BAZ1A: variants seen among roughly 807,000 people sequenced by gnomAD.
BAZ1A encodes the protein bromodomain adjacent to zinc finger domain protein 1A.
A neutral mutation model predicts 185.2 loss-of-function variants in BAZ1A; 50 were observed. That is an observed-to-expected ratio of 0.27 (90% CI 0.22 to 0.34). BAZ1A has a LOEUF of 0.34. Among genes scored for constraint, BAZ1A ranks in the 10% least tolerant of loss-of-function variants. BAZ1A has a pLI of 1.00. For synonymous variants in BAZ1A, 571 were observed against 615.6 expected (o/e 0.93, Z 1.07); for missense variants, 1,356 against 1,839.9 (o/e 0.74, Z 4.81).
chr14:34,873,173 C>T (rs2042979995), intron 2 of BAZ1A, among the ~76,000 whole-genome samples: 1 of 152,144 alleles, frequency 6.6e-6, no homozygotes, highest in Non-Finnish European at 1.5e-5. Flanking sequence ...TTTCTAACCT[C>T]ACTATTCATT....
chr14:34,767,845 T>C (rs893585156), intron 21 of BAZ1A, among the ~76,000 whole-genome samples: 3 of 152,122 alleles, frequency 2.0e-5, no homozygotes, highest in African/African-American at 7.2e-5. Flanking sequence ...ACTTTTAGAA[T>C]CTTGGAAATT....
intron 14 of BAZ1A, among the ~76,000 whole-genome samples, chr14:34,785,087 C>G (rs1223693621): frequency 6.6e-6 from 1 of 152,074 alleles, no homozygotes; most frequent in African/African-American, 2.4e-5. Flanking sequence ...AACTCCTGAC[C>G]TCAGGTGATC....
Position 34,794,857 on chromosome 14 carries a change from T to C in BAZ1A, c.1255A>G (p.Arg419Gly). The C allele has an allele frequency of 6.2e-7, 1 of 1,614,110 alleles. No homozygotes were observed. The highest frequency in any genetic ancestry group is 8.5e-7 in the Non-Finnish European group (1 of 1,179,972). The change falls in exon 11 of 27, where the codon AGA becomes GGA. Residue 419 changes from arginine (R) to glycine (G), a missense_variant. Coordinates refer to ENST00000360310, the MANE Select transcript of BAZ1A (RefSeq NM_013448.3). ...ELPEPTPVKT[R>G]LPPEIFGDAL... ...TCACCAAAGATTTCAGGAGGTAGTCTAGTTTTCACTGGTGTTGGTTCTGGA... is the reference window on the plus strand; with the variant it reads ...TCACCAAAGATTTCAGGAGGTAGTCCAGTTTTCACTGGTGTTGGTTCTGGA...
At position 34,783,172 on chromosome 14, in the gene BAZ1A, T is replaced by C; in HGVS notation, c.2058A>G (p.Gln686=). ...KEQEQKMKEK[Q]EKLKEDEQRN... ...TTTGCTCATCTTCTTTCAGTTTTTC[T>C]TGTTTCTCTTTCATTTTTTGTTCTT... The change falls in exon 16 of 27, where the codon CAA becomes CAG. Residue 686 remains glutamine (Q), a synonymous_variant. Transcript: ENST00000360310. 6.2e-7 allele frequency: 1 copy of C among 1,604,156 alleles called. No homozygotes were observed. The highest frequency in any genetic ancestry group is 8.5e-7 in the Non-Finnish European group (1 of 1,174,060).
At chr14:34,765,389 A>C (rs1878772828) in intron 21 of BAZ1A, 121 bp from the exon 22 acceptor site, 1 of 1,245,690 alleles carries the variant, frequency 8.0e-7, no homozygotes, top group Non-Finnish European at 1.1e-6. Context: ...CTGATACTTA[A>C]CAAAAAGACC....
At chr14:34,793,624 T>C (rs1013862482) in intron 11 of BAZ1A, among the ~76,000 whole-genome samples, 3 of 152,158 alleles carry the variant, frequency 2.0e-5, no homozygotes, top group African/African-American at 7.2e-5. Context: ...CTGGCTAACA[T>C]GGTGAAACCT....
At chr14:34,803,771 G>A (rs148166145) in intron 6 of BAZ1A, among the ~76,000 whole-genome samples, 2 of 152,152 alleles carry the variant, frequency 1.3e-5, no homozygotes, top group Non-Finnish European at 2.9e-5. Flanking sequence ...TCCCAGGGTA[G>A]AGTAATAACT....
chr14:34,810,966 C>T lies in BAZ1A; in HGVS notation c.607G>A (p.Glu203Lys). The change falls in exon 5 of 27, where the codon GAG becomes AAG. Residue 203 changes from glutamate (E) to lysine (K), a missense_variant. Physicochemically the swap from Glu to Lys is moderately conservative, Grantham distance 56. Around this residue, in one of 7 missense-constraint regions of BAZ1A, gnomAD observed 332 missense variants for 395.3 expected, o/e 0.84. Transcript: ENST00000360310. ...KVQPTKKELHESAIVKATQIS... is the reference protein window; with the variant it reads ...KVQPTKKELHKSAIVKATQIS... The stretch of plus-strand genomic sequence containing the variant: ...TGTGTTGCTTTAACAATAGCAGACT[C>T]ATGTAATTCTTTTTTAGTGGGTTGC... 6.2e-7 allele frequency: 1 copy of T among 1,609,536 alleles called. No individual in the cohort carries two copies. Among genetic ancestry groups the T allele is most frequent in the Non-Finnish European group, 8.5e-7 (1 of 1,177,288 alleles).
chr14:34,841,685 C>G (rs1202388919), intron 3 of BAZ1A, among the ~76,000 whole-genome samples: 4 of 152,182 alleles, frequency 2.6e-5, no homozygotes, highest in East Asian at 1.9e-4. Flanking sequence ...CCGCGCCCAG[C>G]CTTATTTATG....
At chr14:34,807,266 C>T (rs1488051423) in intron 6 of BAZ1A, among the ~76,000 whole-genome samples, 185 bp downstream of exon 6, 2 of 151,568 alleles carry the variant, frequency 1.3e-5, no homozygotes, top group African/African-American at 2.4e-5. Context: ...AACCACCTAG[C>T]GATTCCAGCA....
chr14:34,790,849 G>C (rs964141626), intron 12 of BAZ1A, among the ~76,000 whole-genome samples: 7 of 152,174 alleles, frequency 4.6e-5, no homozygotes, highest in African/African-American at 1.7e-4. Flanking sequence ...TGGCACCTGG[G>C]TGCGGTGTCT....
At chr14:34,799,974 C>T (rs904957801) in intron 9 of BAZ1A, among the ~76,000 whole-genome samples, 5 of 152,152 alleles carry the variant, frequency 3.3e-5, no homozygotes, top group Non-Finnish European at 7.4e-5. Context: ...TTACATATAT[C>T]ATCTTCCCTA....
chr14:34,859,465 G>GT lies in BAZ1A; in HGVS notation c.392+2578dup, dbSNP rs556104728. On this transcript the variant is annotated intron_variant, in intron 3 of 26. Coordinates refer to ENST00000360310, the MANE Select transcript of BAZ1A (RefSeq NM_013448.3). ...AAAAAATCCACAGAAAAACAACAGC[G>GT]TAACTTAATTTTAAAAGGGAAAGAG... 1.9e-4 allele frequency among the ~76,000 whole-genome samples: 28 copies of GT among 151,286 alleles called. No homozygotes were observed. The East Asian group carries it at 4.8e-3, about 26-fold the overall frequency.
At chr14:34,869,875 ACT>A in intron 2 of BAZ1A, among the ~76,000 whole-genome samples, 1 of 152,172 alleles carries the variant, frequency 6.6e-6, no homozygotes, top group Admixed American at 6.5e-5. Context: ...CCCTCTTGAA[ACT>A]CTAAGACCAC....
chr14:34,764,289 CT>C (rs34861206), intron 23 of BAZ1A, among the ~76,000 whole-genome samples: 22,254 of 111,256 alleles, frequency 0.2, 933 homozygotes, highest in Non-Finnish European at 0.22. Flanking sequence ...TTTTTCTTTT[CT>C]TTTTTTTTTT....
intron 4 of BAZ1A, among the ~76,000 whole-genome samples, chr14:34,812,242 A>C (rs142886695): frequency 1.3e-5 from 2 of 151,820 alleles, no homozygotes; most frequent in African/African-American, 4.8e-5. Flanking sequence ...GGAGGGGAAC[A>C]AAAAAAAGGG....
intron 26 of BAZ1A, among the ~76,000 whole-genome samples, chr14:34,754,276 A>G (rs1594800837): frequency 7.0e-6 from 1 of 143,360 alleles, no homozygotes; most frequent in African/African-American, 2.6e-5. Context: ...AAAAAAAATT[A>G]GGCATGGTGG....
At chr14:34,859,770 A>G (rs1310952622) in intron 3 of BAZ1A, among the ~76,000 whole-genome samples, 3 of 152,218 alleles carry the variant, frequency 2.0e-5, no homozygotes, top group African/African-American at 4.8e-5. Context: ...TACAGAGAAG[A>G]CAAACAAAAT....
rs779813277 is a variant in BAZ1A at position 34,862,314 on chromosome 14, A to T, written c.122T>A (p.Phe41Tyr). Residue 41 changes from phenylalanine to tyrosine, a missense_variant, in exon 3 of 27, where the codon TTT (phenylalanine) becomes TAT (tyrosine). Physicochemically the swap from Phe to Tyr is conservative, Grantham distance 22. This residue lies in a region of BAZ1A where 332 missense variants were observed against 395.3 expected (regional missense o/e 0.84). Coordinates refer to ENST00000360310, the MANE Select transcript of BAZ1A (RefSeq NM_013448.3). ...GCTGTTGCACAGAATGGTTCGTTCAAAAAAGTCACTGATTAAAAAACAAAA... is the reference window on the plus strand; with the variant it reads ...GCTGTTGCACAGAATGGTTCGTTCATAAAAGTCACTGATTAAAAAACAAAA... ...NEIFRHYDDF[F>Y]ERTILCNSLV... The T allele has an allele frequency of 6.3e-7, 1 of 1,591,214 alleles. No individual in the cohort carries two copies. Among genetic ancestry groups the T allele is most frequent in the African/African-American group, 1.4e-5 (1 of 73,704 alleles).
Sources: allele counts gnomAD v4.1 joint callset (sites outside exome capture counted in the v4.1 genomes callset), GRCh38; gene constraint gnomAD v4.1.1; regional missense constraint gnomAD v4.1.1; transcripts MANE v1.5; gene names NCBI Gene and HGNC (gene_info 2026-07-23, HGNC 2026-07-21).